Variants in ZBTB7C observed in about 807,000 individuals in gnomAD.
The protein encoded by ZBTB7C is zinc finger and BTB domain containing 7C, also known as zinc finger and BTB domain-containing protein 7C.
A neutral mutation model predicts 25.7 loss-of-function variants in ZBTB7C; 8 were observed. The observed-to-expected ratio is 0.31, with a 90% CI of 0.18 to 0.56. The LOEUF is 0.56. Among genes scored for constraint, ZBTB7C ranks in the 20% least tolerant of loss-of-function variants. The probability of loss-of-function intolerance (pLI) is 0.91; values close to 1 mark genes in which losing one functional copy is unlikely to be tolerated. For synonymous variants in ZBTB7C, 394 were observed against 369.0 expected, an observed-to-expected ratio of 1.07 and a Z score of -0.78; for missense variants, 824 against 855.2, an observed-to-expected ratio of 0.96 and a Z score of 0.46.
At chr18:48,089,404 G>A (rs561127727) in intron 3 of ZBTB7C, among the ~76,000 whole-genome samples, 61 of 151,716 alleles carry the variant, frequency 4.0e-4, no homozygotes, top group Admixed American at 2.3e-3. Flanking sequence ...CCCGGGAGGC[G>A]GAGGGTGCAG....
chr18:48,160,408 C>G (rs149993209), intron 3 of ZBTB7C, among the ~76,000 whole-genome samples: 1 of 152,286 alleles, frequency 6.6e-6, no homozygotes, highest in African/African-American at 2.4e-5. Flanking sequence ...ACAGCAGGCA[C>G]GCTGGGATGA....
chr18:48,143,473 T>C (rs1466648198), intron 3 of ZBTB7C, among the ~76,000 whole-genome samples: 1 of 152,174 alleles, frequency 6.6e-6, no homozygotes, highest in African/African-American at 2.4e-5. Flanking sequence ...AAATTACCAC[T>C]TACTGTGTGC....
intron 3 of ZBTB7C, among the ~76,000 whole-genome samples, chr18:48,157,553 TTGGTTATATTACTTGTCAAAA>T (rs1218967183): frequency 3.9e-5 from 6 of 152,220 alleles, no homozygotes; most frequent in Non-Finnish European, 7.3e-5. Flanking sequence ...AGAGACCCAG[TTGGTTATATTACTTGTCAAAA>T]TGGCAAGAAC....
chr18:48,109,262 G>A (rs2039147255), intron 3 of ZBTB7C, among the ~76,000 whole-genome samples: 1 of 152,180 alleles, frequency 6.6e-6, no homozygotes. Context: ...CCCCATCCAG[G>A]CCAGCCCTGC....
chr18:48,083,911 T>C, intron 3 of ZBTB7C: 3 of 985,272 alleles, frequency 3.0e-6, no homozygotes, highest in Non-Finnish European at 3.6e-6. Flanking sequence ...TTTGGTGAAC[T>C]TCCAATCCTG....
At chr18:48,171,036 T>C (rs2041459494) in intron 3 of ZBTB7C, among the ~76,000 whole-genome samples, 1 of 152,174 alleles carries the variant, frequency 6.6e-6, no homozygotes, top group South Asian at 2.1e-4. Context: ...TACCTGAAAG[T>C]GGGGCATTAG....
At chr18:48,083,977 A>AG in intron 3 of ZBTB7C, 1 of 728,424 alleles carries the variant, frequency 1.4e-6, no homozygotes, top group Non-Finnish European at 1.7e-6. Flanking sequence ...GGGTCGTCGC[A>AG]GGGACAGCCT....
chr18:48,271,642 T>C (rs2044489039), intron 2 of ZBTB7C, among the ~76,000 whole-genome samples: 1 of 150,552 alleles, frequency 6.6e-6, no homozygotes, highest in South Asian at 2.1e-4. Flanking sequence ...CAATTTTCCA[T>C]TTATGCTAAA....
chr18:48,082,763 A>T (rs191300780), intron 3 of ZBTB7C, among the ~76,000 whole-genome samples: 1 of 152,142 alleles, frequency 6.6e-6, no homozygotes, highest in East Asian at 1.9e-4. Context: ...CATTTTAGAG[A>T]TGAGAAAACT....
At chr18:48,367,372 A>AC (rs1555752154) in intron 1 of ZBTB7C, among the ~76,000 whole-genome samples, 1 of 116,188 alleles carries the variant, frequency 8.6e-6, no homozygotes, top group Non-Finnish European at 1.8e-5. Context: ...ATATATATAT[A>AC]AAATACAAAC....
intron 1 of ZBTB7C, among the ~76,000 whole-genome samples, chr18:48,377,154 C>T (rs1224908157): frequency 1.3e-5 from 2 of 152,184 alleles, no homozygotes; most frequent in African/African-American, 4.8e-5. Context: ...AACCCCACTC[C>T]ACCCCCCAAC....
chr18:48,113,444 G>C (rs2039317049), intron 3 of ZBTB7C, among the ~76,000 whole-genome samples: 1 of 152,228 alleles, frequency 6.6e-6, no homozygotes, highest in South Asian at 2.1e-4. Flanking sequence ...TTCTGAATCA[G>C]GCTGGCCTGG....
chr18:48,129,477 T>C (rs1163134859), intron 3 of ZBTB7C, among the ~76,000 whole-genome samples: 3 of 152,146 alleles, frequency 2.0e-5, no homozygotes, highest in African/African-American at 7.2e-5. Context: ...TTTCCTTTAA[T>C]TGCAACTTCC....
intron 1 of ZBTB7C, among the ~76,000 whole-genome samples, chr18:48,392,591 G>A (rs979051654): frequency 6.6e-6 from 1 of 152,202 alleles, no homozygotes; most frequent in African/African-American, 2.4e-5. Context: ...GAAAATCAGT[G>A]AGTGTTACAG....
At chr18:48,168,155 G>T (rs1364995927) in intron 3 of ZBTB7C, among the ~76,000 whole-genome samples, 1 of 152,194 alleles carries the variant, frequency 6.6e-6, no homozygotes, top group Non-Finnish European at 1.5e-5. Context: ...AAGAGCCCAG[G>T]TGCTGTGTGA....
chr18:48,155,482 T>C (rs781084518), intron 3 of ZBTB7C, among the ~76,000 whole-genome samples: 117 of 150,770 alleles, frequency 7.8e-4, no homozygotes, highest in Admixed American at 1.3e-3. Context: ...TGCCCGCCAC[T>C]ACACCCGGCT....
chr18:48,066,518 TA>T (rs2037336121), intron 3 of ZBTB7C, among the ~76,000 whole-genome samples: 2 of 152,148 alleles, frequency 1.3e-5, no homozygotes. Flanking sequence ...AATGCAAGCA[TA>T]GATGAAGCAG....
chr18:48,307,435 C>T (rs1381549507), intron 2 of ZBTB7C, among the ~76,000 whole-genome samples: 2 of 152,250 alleles, frequency 1.3e-5, no homozygotes, highest in African/African-American at 4.8e-5. Flanking sequence ...CTGGTCAGGG[C>T]CCATGCCAAG....
intron 2 of ZBTB7C, among the ~76,000 whole-genome samples, chr18:48,202,424 G>A (rs79348586): frequency 0.019 from 2,686 of 141,590 alleles, 88 homozygotes; most frequent in African/African-American, 0.065. Flanking sequence ...GAGAGAAAGT[G>A]AAGCAGGAGG....
Sources: gnomAD v4.1 joint callset for allele counts (sites outside exome capture counted in the v4.1 genomes callset) on GRCh38, gnomAD v4.1.1 for gene constraint, MANE v1.5 for transcripts, NCBI Gene and HGNC (gene_info 2026-07-23, HGNC 2026-07-21) for gene names.